The following ZNF407 variants were observed in gnomAD, a reference collection of about 807,000 sequenced individuals.
The protein encoded by ZNF407 is zinc finger protein 407.
In ZNF407, 17 loss-of-function variants were observed where a neutral mutation model predicts 131.2. The observed-to-expected ratio is 0.13, with a 90% CI of 0.09 to 0.19. The LOEUF is 0.19. Among genes scored for constraint, ZNF407 ranks in the 10% least tolerant of loss-of-function variants. ZNF407 has a pLI of 1.00. For synonymous variants in ZNF407, 1,156 were observed against 1,062.0 expected (o/e 1.09, Z -1.72); for missense variants, 2,681 against 2,830.6 (o/e 0.95, Z 1.20).
At chr18:74,892,506 C>G (rs1971399231) in intron 7 of ZNF407, among the ~76,000 whole-genome samples, 1 of 152,148 alleles carries the variant, frequency 6.6e-6, no homozygotes, top group Non-Finnish European at 1.5e-5. Flanking sequence ...GTGAATGTTT[C>G]ATCAGGGTTT....
At chr18:74,733,983 A>T (rs1339013385) in intron 3 of ZNF407, among the ~76,000 whole-genome samples, 2 of 150,674 alleles carry the variant, frequency 1.3e-5, no homozygotes, top group Non-Finnish European at 1.5e-5. Flanking sequence ...TTTACTGGTT[A>T]TTTTTTTTCT....
intron 3 of ZNF407, among the ~76,000 whole-genome samples, chr18:74,719,378 C>T (rs1245799995): frequency 1.3e-5 from 1 of 77,170 alleles, no homozygotes; most frequent in Non-Finnish European, 2.9e-5. Context: ...CTACTTTTTA[C>T]TTGCTTGCTT....
chr18:74,812,478 A>T (rs541744897), intron 4 of ZNF407, among the ~76,000 whole-genome samples: 1 of 152,324 alleles, frequency 6.6e-6, no homozygotes, highest in East Asian at 1.9e-4. Context: ...CTTTGAAGGT[A>T]ACATCTCTTT....
intron 3 of ZNF407, among the ~76,000 whole-genome samples, chr18:74,699,111 A>AT (rs1024531076): frequency 1.3e-3 from 194 of 151,972 alleles, no homozygotes; most frequent in African/African-American, 4.0e-3. Context: ...TTATTAACCA[A>AT]TTTTTTTTAA....
chr18:74,975,066 C>G (rs1201592400), intron 8 of ZNF407, among the ~76,000 whole-genome samples: 1 of 152,212 alleles, frequency 6.6e-6, no homozygotes, highest in East Asian at 1.9e-4. Context: ...TATGCTCAGT[C>G]TTTATGTAAA....
At chr18:74,603,705 AGTT>A (rs1167120656) in intron 1 of ZNF407, among the ~76,000 whole-genome samples, 4 of 152,106 alleles carry the variant, frequency 2.6e-5, no homozygotes, top group Admixed American at 6.5e-5. Flanking sequence ...TTTTTTTGGT[AGTT>A]GTTGGTTTTT....
At chr18:75,034,746 C>T (rs1973287992) in intron 8 of ZNF407, among the ~76,000 whole-genome samples, 4 of 152,068 alleles carry the variant, frequency 2.6e-5, no homozygotes. Context: ...ATCATTTTAT[C>T]CCACATACTT....
chr18:75,000,332 G>A lies in ZNF407; in HGVS notation c.5429-62818G>A, dbSNP rs199828657. On this transcript the variant is annotated intron_variant, in intron 8 of 8. Transcript: ENST00000299687. Reference sequence around the variant, plus strand: ...CTAGCACAGAGGATTCTTTTGAGACGTAAAACAACGGTTGTGAAAGTGTTT... The same window carrying A: ...CTAGCACAGAGGATTCTTTTGAGACATAAAACAACGGTTGTGAAAGTGTTT... Among the ~76,000 whole-genome samples the A allele has an allele frequency of 5.3e-5, 8 of 152,288 alleles. No homozygotes were observed. The East Asian group carries it at 1.3e-3, about 26-fold the overall frequency.
At chr18:74,689,681 C>T (rs1967175674) in intron 3 of ZNF407, among the ~76,000 whole-genome samples, 3 of 152,222 alleles carry the variant, frequency 2.0e-5, no homozygotes. Flanking sequence ...GCTTCCACTT[C>T]AGGATTTCCT....
chr18:74,732,157 A>C (rs565639294), intron 3 of ZNF407, among the ~76,000 whole-genome samples: 9 of 152,210 alleles, frequency 5.9e-5, no homozygotes, highest in Non-Finnish European at 8.8e-5. Flanking sequence ...GTTAAATCTA[A>C]ATAATGGAGC....
At chr18:74,604,937 C>G (rs1010516020) in intron 1 of ZNF407, among the ~76,000 whole-genome samples, 1 of 152,156 alleles carries the variant, frequency 6.6e-6, no homozygotes, top group African/African-American at 2.4e-5. Context: ...ATGCAGTTTA[C>G]CAGTTGGGCC....
At chr18:75,008,547 C>T (rs568112004) in intron 8 of ZNF407, among the ~76,000 whole-genome samples, 54 of 152,302 alleles carry the variant, frequency 3.5e-4, no homozygotes, top group African/African-American at 1.1e-3. Context: ...ATTTTAACAG[C>T]GTTGCAAATA....
Position 74,769,516 on chromosome 18 carries a change from G to C in ZNF407, c.4803-11912G>C, listed in dbSNP as rs76593069. ...AACATGTCTCATAGAGTTTGTTTTT[G>C]ATTCCCCTGCTGGAGATTTCAATTG... On this transcript the variant is annotated intron_variant, in intron 3 of 8. Transcript: ENST00000299687. Among the ~76,000 whole-genome samples, 120 of 152,212 alleles carry C rather than the reference G, an allele frequency of 7.9e-4. 1 individual carries two copies. The East Asian group carries it at 0.021, about 27-fold the overall frequency.
intron 4 of ZNF407, among the ~76,000 whole-genome samples, chr18:74,795,170 C>A (rs10514141): frequency 0.17 from 25,289 of 151,984 alleles, 2,365 homozygotes; most frequent in Non-Finnish European, 0.22. Flanking sequence ...AAATATTCCA[C>A]CAAAACAAAG....
intron 1 of ZNF407, among the ~76,000 whole-genome samples, chr18:74,606,579 CTTGTT>C (rs1982818309): frequency 6.6e-6 from 1 of 152,038 alleles, no homozygotes; most frequent in Non-Finnish European, 1.5e-5. Flanking sequence ...GATTTTCATA[CTTGTT>C]TTATTTCTTG....
At chr18:74,740,569 C>T (rs745513118) in intron 3 of ZNF407, among the ~76,000 whole-genome samples, 3 of 152,152 alleles carry the variant, frequency 2.0e-5, no homozygotes, top group African/African-American at 4.8e-5. Flanking sequence ...TGTCTCTTTA[C>T]GTGCACAGGG....
At chr18:75,042,525 T>G (rs867966216) in intron 8 of ZNF407, among the ~76,000 whole-genome samples, 2 of 152,112 alleles carry the variant, frequency 1.3e-5, no homozygotes, top group African/African-American at 4.8e-5. Context: ...TCCACAGCAT[T>G]TTTGACAGGA....
At chr18:74,898,049 G>T (rs918740404) in intron 7 of ZNF407, 1 of 152,122 alleles carries the variant, frequency 6.6e-6, no homozygotes. Context: ...AATATTGCCT[G>T]TCTGGAGCCT....
chr18:74,924,035 A>C (rs1350058926), intron 8 of ZNF407, among the ~76,000 whole-genome samples: 5 of 152,230 alleles, frequency 3.3e-5, no homozygotes, highest in Non-Finnish European at 5.9e-5. Context: ...AACTACAAGT[A>C]CAAGCAGCAG....
Sources: gnomAD v4.1 joint callset for allele counts (sites outside exome capture counted in the v4.1 genomes callset) on GRCh38, gnomAD v4.1.1 for gene constraint, MANE v1.5 for transcripts, NCBI Gene and HGNC (gene_info 2026-07-23, HGNC 2026-07-21) for gene names.